Variants in UGT1A8 observed in about 807,000 individuals in gnomAD.
The protein encoded by UGT1A8 is UDP-glucuronosyltransferase 1A8.
In UGT1A8, 39 loss-of-function variants were observed where a neutral mutation model predicts 45.3. The ratio of observed to expected loss-of-function variants is 0.86; its 90% CI spans 0.67 to 1.12. The LOEUF (loss-of-function observed/expected upper bound fraction) is 1.12, where lower values mean the gene tolerates loss of function less well. Ranked by LOEUF, UGT1A8 falls within the 50% of genes most tolerant of loss-of-function variation. UGT1A8 has a pLI of 0.00. For missense variants in UGT1A8, 719 were observed against 664.9 expected (o/e 1.08, Z -0.90); for synonymous variants, 275 against 249.2 (o/e 1.10, Z -0.97).
At chr2:233,724,637 T>G (rs1254622802) in intron 1 of UGT1A8, among the ~76,000 whole-genome samples, 13 of 131,504 alleles carry the variant, frequency 9.9e-5, no homozygotes, top group African/African-American at 2.7e-4. Context: ...TTCCTAGATG[T>G]GATGGCGGCT....
intron 1 of UGT1A8, among the ~76,000 whole-genome samples, chr2:233,686,494 G>C (rs2074791864): frequency 6.6e-6 from 1 of 152,058 alleles, no homozygotes; most frequent in Non-Finnish European, 1.5e-5. Flanking sequence ...TTTCTGAACA[G>C]GTGAGCCCAG....
At chr2:233,737,382 C>T (rs751071024) in intron 1 of UGT1A8, among the ~76,000 whole-genome samples, 21 of 152,224 alleles carry the variant, frequency 1.4e-4, no homozygotes, top group Non-Finnish European at 2.6e-4. Flanking sequence ...GAGAGAATCT[C>T]CTTGTCTGCC....
intron 1 of UGT1A8, among the ~76,000 whole-genome samples, chr2:233,634,686 C>T (rs1190182720): frequency 7.1e-6 from 1 of 140,528 alleles, no homozygotes; most frequent in Non-Finnish European, 1.5e-5. Context: ...TTATTTTGAG[C>T]CTATATGTCT....
rs532123435 is a variant in UGT1A8 at position 233,768,784 on chromosome 2, ATGTT to A, written c.1295+349_1295+352del. Among the ~76,000 whole-genome samples the A allele has an allele frequency of 2.0e-5, 3 of 151,986 alleles. No homozygotes were observed. The South Asian group carries it at 6.2e-4, about 32-fold the overall frequency. On this transcript the variant is annotated intron_variant, in intron 4 of 4. Coordinates refer to ENST00000373450, the MANE Select transcript of UGT1A8 (RefSeq NM_019076.5). ...TTTTTAGTAGAGAAAGGGTTTCACC[ATGTT>A]TGTCAGGCTGGTCTTGAACTCCTGA...
intron 1 of UGT1A8, chr2:233,752,532 T>G (rs1694995506): frequency 6.6e-6 from 1 of 152,250 alleles, no homozygotes; most frequent in African/African-American, 2.4e-5. Context: ...AAAAATTCTT[T>G]AAATAAAATG....
intron 1 of UGT1A8, among the ~76,000 whole-genome samples, chr2:233,722,230 A>G (rs868083923): frequency 2.0e-5 from 3 of 152,346 alleles, no homozygotes; most frequent in Middle Eastern, 3.4e-3. Context: ...CAAAATCTTT[A>G]TCATGTATTA....
chr2:233,652,021 T>C (rs923223186), intron 1 of UGT1A8, among the ~76,000 whole-genome samples: 3 of 152,082 alleles, frequency 2.0e-5, no homozygotes, highest in Non-Finnish European at 2.9e-5. Flanking sequence ...ACTGCCAGGC[T>C]TTTTTAGTTT....
chr2:233,713,232 G>A lies in UGT1A8; in HGVS notation c.856-53802G>A, dbSNP rs1482258510. On this transcript the variant is annotated intron_variant, in intron 1 of 4. Coordinates refer to ENST00000373450, the MANE Select transcript of UGT1A8 (RefSeq NM_019076.5). Reference sequence around the variant, plus strand: ...GAACTTTTTCACCCTGACAACGTATGCCATTTCATGGACCCAGGACGAATT... The same window carrying A: ...GAACTTTTTCACCCTGACAACGTATACCATTTCATGGACCCAGGACGAATT... 12 of 1,614,154 alleles carry A rather than the reference G, an allele frequency of 7.4e-6. No homozygotes were observed. The highest frequency in any genetic ancestry group is 9.3e-6 in the Non-Finnish European group (11 of 1,180,054).
At chr2:233,711,337 G>C (rs1160306981) in intron 1 of UGT1A8, among the ~76,000 whole-genome samples, 1 of 152,226 alleles carries the variant, frequency 6.6e-6, no homozygotes, top group African/African-American at 2.4e-5. Flanking sequence ...CCACTGCATG[G>C]AGATAGAACA....
chr2:233,658,702 C>G (rs2073904940), intron 1 of UGT1A8, among the ~76,000 whole-genome samples: 1 of 152,216 alleles, frequency 6.6e-6, no homozygotes, highest in South Asian at 2.1e-4. Flanking sequence ...GCTTTCTTGA[C>G]TATGGATAGC....
chr2:233,747,316 C>T lies in UGT1A8; in HGVS notation c.856-19718C>T, dbSNP rs1693620953. The T allele has an allele frequency of 6.9e-6, 11 of 1,603,150 alleles. No homozygotes were observed. In the South Asian group the frequency reaches 1.2e-4, roughly 18 times the overall value. On this transcript the variant is annotated intron_variant, in intron 1 of 4. Coordinates refer to ENST00000373450, the MANE Select transcript of UGT1A8 (RefSeq NM_019076.5). ...TGAGAGTGGGAAGGTGCTGGTGGTA[C>T]CCATTGATGGCAGCCACTGGCTCGC... is the stretch of plus-strand genomic sequence containing the variant.
intron 1 of UGT1A8, among the ~76,000 whole-genome samples, chr2:233,761,658 A>G (rs1473319616): frequency 6.6e-6 from 1 of 152,256 alleles, no homozygotes; most frequent in East Asian, 1.9e-4. Flanking sequence ...TAATGAGTGA[A>G]TCACCAGACA....
chr2:233,647,686 C>T (rs1208007676), intron 1 of UGT1A8, among the ~76,000 whole-genome samples: 3 of 152,170 alleles, frequency 2.0e-5, no homozygotes, highest in Admixed American at 1.3e-4. Context: ...TGAACTTGTT[C>T]ATGTTTCTTA....
intron 1 of UGT1A8, among the ~76,000 whole-genome samples, chr2:233,766,590 C>T (rs1008625240): frequency 6.6e-6 from 1 of 152,194 alleles, no homozygotes; most frequent in Admixed American, 6.5e-5. Context: ...GTGGAGCCCT[C>T]GCCAGGGACC....
At chr2:233,747,631 A>C in intron 1 of UGT1A8, 1 of 1,579,028 alleles carries the variant, frequency 6.3e-7, no homozygotes, top group Non-Finnish European at 8.7e-7. Context: ...CTGATCAGGC[A>C]CCTGAATGCT....
intron 1 of UGT1A8, among the ~76,000 whole-genome samples, chr2:233,694,329 G>A (rs2075215054): frequency 6.6e-6 from 1 of 151,356 alleles, no homozygotes; most frequent in Admixed American, 6.6e-5. Context: ...TTTATGTTGA[G>A]ACCTGTTTTT....
At position 233,682,363 on chromosome 2, in the gene UGT1A8, T is replaced by A. The variant is rs771594973; in HGVS notation, c.855+63801T>A. 78 of 1,614,020 alleles carry A rather than the reference T, an allele frequency of 4.8e-5. No individual in the cohort carries two copies. Among genetic ancestry groups the A allele is most frequent in the Non-Finnish European group, 6.4e-5 (75 of 1,179,982 alleles). On this transcript the variant is annotated intron_variant, in intron 1 of 4. Coordinates refer to ENST00000373450, the MANE Select transcript of UGT1A8 (RefSeq NM_019076.5). The stretch of plus-strand genomic sequence containing the variant: ...TAGAATACTTAAAGGAGAGTTGTTT[T>A]GATGCAGTGTTTCTCGATCCTTTTG...
intron 1 of UGT1A8, among the ~76,000 whole-genome samples, chr2:233,733,964 G>T (rs1371288114): frequency 2.0e-5 from 3 of 152,056 alleles, no homozygotes; most frequent in Admixed American, 1.3e-4. Flanking sequence ...TGTGGGGTAG[G>T]GGGAGCGGGG....
Position 233,712,920 on chromosome 2 carries a change from T to C in UGT1A8, c.856-54114T>C. ...GCTAGGTGTCTCAGTGACAAGGTAA[T>C]TAAGACGAAGGAAACAATTCTAGGA... On this transcript the variant is annotated intron_variant, in intron 1 of 4. Transcript: ENST00000373450. 3 of 1,611,826 alleles carry C rather than the reference T, an allele frequency of 1.9e-6. No individual in the cohort carries two copies. The South Asian group carries it at 3.3e-5, about 18-fold the overall frequency.
Sources: gnomAD v4.1 joint callset for allele counts (sites outside exome capture counted in the v4.1 genomes callset) on GRCh38, gnomAD v4.1.1 for gene constraint, MANE v1.5 for transcripts, NCBI Gene and HGNC (gene_info 2026-07-23, HGNC 2026-07-21) for gene names.